Variants in CA10 observed in about 807,000 individuals in gnomAD.
CA10 encodes the protein carbonic anhydrase-related protein 10.
Under a neutral mutation model 44.2 loss-of-function variants are expected in CA10, and 14 were observed. That is an observed-to-expected ratio of 0.32 (90% CI 0.21 to 0.50). The LOEUF is 0.50. CA10 is among the 20% of genes least tolerant of loss of function. CA10 has a pLI of 0.99. For synonymous variants in CA10, 159 were observed against 141.6 expected, an observed-to-expected ratio of 1.12 and a Z score of -0.87; for missense variants, 350 against 409.7, an observed-to-expected ratio of 0.85 and a Z score of 1.26.
At chr17:52,029,958 A>G (rs943883403) in intron 2 of CA10, among the ~76,000 whole-genome samples, 1 of 152,236 alleles carries the variant, frequency 6.6e-6, no homozygotes, top group Non-Finnish European at 1.5e-5. Context: ...AAAGACTTTT[A>G]TAAGACTTTT....
intron 2 of CA10, among the ~76,000 whole-genome samples, chr17:52,028,230 C>T (rs564834580): frequency 2.0e-5 from 3 of 152,212 alleles, no homozygotes; most frequent in Admixed American, 6.5e-5. Context: ...ATTCTTACAC[C>T]TCTCAATTTT....
intron 4 of CA10, among the ~76,000 whole-genome samples, chr17:51,734,556 T>C (rs1231742103): frequency 1.3e-5 from 2 of 152,210 alleles, no homozygotes; most frequent in Admixed American, 6.5e-5. Flanking sequence ...TCATCCTATT[T>C]AGACAGCTCA....
At chr17:51,950,524 T>C (rs1320844256) in intron 2 of CA10, among the ~76,000 whole-genome samples, 1 of 152,100 alleles carries the variant, frequency 6.6e-6, no homozygotes, top group Non-Finnish European at 1.5e-5. Context: ...AAATGGCTGT[T>C]TTCCTCTCCC....
At chr17:51,849,231 G>GTATATATATATATA (rs1441221955) in intron 3 of CA10, among the ~76,000 whole-genome samples, 6 of 55,882 alleles carry the variant, frequency 1.1e-4, no homozygotes, top group East Asian at 4.6e-4. Context: ...ATATATGTGT[G>GTATATATATATATA]TGTATATATA....
At chr17:51,753,469 C>T (rs1263948) in intron 3 of CA10, among the ~76,000 whole-genome samples, 58,892 of 152,056 alleles carry the variant, frequency 0.39, 13,067 homozygotes, top group Middle Eastern at 0.51. Flanking sequence ...TTGGTCAATG[C>T]ATTTTTAAGG....
chr17:52,008,072 C>A (rs1160527556), intron 2 of CA10, among the ~76,000 whole-genome samples: 2 of 151,490 alleles, frequency 1.3e-5, no homozygotes, highest in African/African-American at 4.8e-5. Flanking sequence ...TCTCTTTTTT[C>A]TTAATCAGTC....
chr17:51,755,874 A>G (rs1387949899), intron 3 of CA10, among the ~76,000 whole-genome samples: 1 of 152,188 alleles, frequency 6.6e-6, no homozygotes, highest in Non-Finnish European at 1.5e-5. Context: ...CTCAAGGAGT[A>G]GCTTCAAAGT....
chr17:51,837,021 G>C (rs892911600), intron 3 of CA10, among the ~76,000 whole-genome samples: 2 of 151,970 alleles, frequency 1.3e-5, no homozygotes, highest in Admixed American at 1.3e-4. Flanking sequence ...GTGAAATATT[G>C]TATGAGCATT....
intron 2 of CA10, among the ~76,000 whole-genome samples, chr17:51,989,338 C>T (rs910333377): frequency 4.0e-5 from 6 of 151,800 alleles, no homozygotes; most frequent in Non-Finnish European, 8.8e-5. Context: ...TCTGAAAGGC[C>T]CCAGTGTGTG....
intron 2 of CA10, among the ~76,000 whole-genome samples, chr17:52,052,680 T>C (rs539396303): frequency 7.8e-4 from 118 of 152,170 alleles, no homozygotes; most frequent in African/African-American, 2.6e-3. Flanking sequence ...CTCCTTGTAG[T>C]ATAATAGCTT....
chr17:52,134,828 C>G, intron 1 of CA10: 2 of 516,750 alleles, frequency 3.9e-6, no homozygotes, highest in South Asian at 2.8e-5. Flanking sequence ...GATGTCACTG[C>G]CATCCTCCAC....
chr17:51,726,008 G>A (rs2143544464), intron 4 of CA10, among the ~76,000 whole-genome samples: 1 of 152,290 alleles, frequency 6.6e-6, no homozygotes, highest in South Asian at 2.1e-4. Context: ...AAGTAGTGAT[G>A]CTGGTGGGGT....
At chr17:51,750,388 A>C (rs1904851936) in intron 3 of CA10, among the ~76,000 whole-genome samples, 1 of 152,226 alleles carries the variant, frequency 6.6e-6, no homozygotes, top group Non-Finnish European at 1.5e-5. Flanking sequence ...TTATTCTAAC[A>C]TATAGATATT....
At chr17:51,657,936 T>C (rs1466677809) in intron 4 of CA10, among the ~76,000 whole-genome samples, 1 of 152,252 alleles carries the variant, frequency 6.6e-6, no homozygotes, top group East Asian at 1.9e-4. Context: ...GGGCTTCTGC[T>C]AGTTTAGTTG....
At chr17:52,068,807 C>G (rs774016896) in intron 2 of CA10, among the ~76,000 whole-genome samples, 4 of 152,190 alleles carry the variant, frequency 2.6e-5, no homozygotes, top group Non-Finnish European at 5.9e-5. Flanking sequence ...AAGGCTTCTC[C>G]TTACATGGCA....
intron 3 of CA10, among the ~76,000 whole-genome samples, chr17:51,833,507 A>T (rs1337245897): frequency 1.3e-5 from 2 of 152,226 alleles, no homozygotes; most frequent in South Asian, 2.1e-4. Context: ...CACTGAACTT[A>T]CTAGAGGTCT....
intron 2 of CA10, among the ~76,000 whole-genome samples, chr17:52,063,791 T>C (rs1987458107): frequency 6.6e-6 from 1 of 152,170 alleles, no homozygotes; most frequent in Non-Finnish European, 1.5e-5. Context: ...CTCAAAATTC[T>C]TTATGAATTA....
At chr17:52,033,989 T>G (rs1225681200) in intron 2 of CA10, among the ~76,000 whole-genome samples, 1 of 152,260 alleles carries the variant, frequency 6.6e-6, no homozygotes, top group East Asian at 1.9e-4. Context: ...CTAGTCAAAC[T>G]CATAGAAGCA....
chr17:51,822,423 AAAAC>A (rs540683602), intron 3 of CA10, among the ~76,000 whole-genome samples: 1,398 of 134,694 alleles, frequency 0.01, 23 homozygotes, highest in African/African-American at 0.047. Context: ...TCAAAAAAAC[AAAAC>A]AAAAACAAAA....
Sources: allele counts gnomAD v4.1 joint callset (sites outside exome capture counted in the v4.1 genomes callset), GRCh38; gene constraint gnomAD v4.1.1; transcripts MANE v1.5; gene names NCBI Gene and HGNC (gene_info 2026-07-23, HGNC 2026-07-21).